Variants in EPS8 observed in about 807,000 individuals in gnomAD.
EPS8 encodes the protein epidermal growth factor receptor kinase substrate 8.
In EPS8, 42 loss-of-function variants were observed where a neutral mutation model predicts 103.8. The observed-to-expected ratio is 0.40, with a 90% CI of 0.32 to 0.52. The LOEUF is 0.52. Ranked by LOEUF, EPS8 falls within the 20% of genes least tolerant of loss-of-function variation. The pLI is 0.40. For synonymous variants in EPS8, 344 were observed against 344.6 expected (o/e 1.00, Z 0.02); for missense variants, 969 against 1,005.1 (o/e 0.96, Z 0.49).
In EPS8 at chr12:15,681,248, T is replaced by C; in HGVS notation, c.114A>G (p.Lys38=). 1.3e-6 allele frequency: 2 copies of C among 1,571,872 alleles called. No individual in the cohort carries two copies. The highest frequency in any genetic ancestry group is 1.7e-6 in the Non-Finnish European group (2 of 1,154,768). Reference sequence around the variant, plus strand: ...TACCATAAAGGGCCTTTGCACTTGTTTTTGAACCATGTTCTCTGTCCGTCT... The same window carrying C: ...TACCATAAAGGGCCTTTGCACTTGTCTTTGAACCATGTTCTCTGTCCGTCT... ...FSQTDREHGS[K]TSAKALYEQR... The change falls in exon 3 of 21, where the codon AAA becomes AAG. Residue 38 remains lysine, a synonymous_variant. Transcript: ENST00000281172.
intron 3 of EPS8, among the ~76,000 whole-genome samples, chr12:15,680,679 C>T (rs746615269): frequency 2.0e-5 from 3 of 151,996 alleles, no homozygotes; most frequent in Admixed American, 1.3e-4. Context: ...CAGGAGTCCT[C>T]GACTTCTTGT....
chr12:15,639,362 G>GA (rs1433283365), intron 17 of EPS8, among the ~76,000 whole-genome samples: 1 of 152,030 alleles, frequency 6.6e-6, no homozygotes, highest in African/African-American at 2.4e-5. Flanking sequence ...ACTAAGAAAA[G>GA]AAAAAGGTAT....
Position 15,683,951 on chromosome 12 carries a change from G to C in EPS8, c.-21-979C>G, listed in dbSNP as rs897538963. 2.6e-5 allele frequency: 4 copies of C among 152,118 alleles called. No homozygotes were observed. The East Asian group carries it at 7.7e-4, about 29-fold the overall frequency. The allele number at this position is 152,118 out of a possible 1,614,324, so 9.4% of individuals were successfully genotyped here. On this transcript the variant is annotated intron_variant, in intron 1 of 20. Coordinates refer to ENST00000281172, the MANE Select transcript of EPS8 (RefSeq NM_004447.6). ...ACATACCCCAGCTTTATGGGCCAAG[G>C]GGGTGAAAGCATGAACAAATATTGA...
At chr12:15,641,453 C>T (rs1945227988) in intron 16 of EPS8, among the ~76,000 whole-genome samples, 1 of 151,474 alleles carries the variant, frequency 6.6e-6, no homozygotes, top group Non-Finnish European at 1.5e-5. Flanking sequence ...GAATAAATAT[C>T]AGAAGAAGAA....
chr12:15,705,295 C>T (rs1435439486), intron 1 of EPS8, among the ~76,000 whole-genome samples: 1 of 152,180 alleles, frequency 6.6e-6, no homozygotes, highest in Non-Finnish European at 1.5e-5. Context: ...GAATACATGA[C>T]ATTACTTTTA....
chr12:15,723,154 A>C (rs1216113637), intron 1 of EPS8, among the ~76,000 whole-genome samples: 1 of 152,182 alleles, frequency 6.6e-6, no homozygotes, highest in Non-Finnish European at 1.5e-5. Context: ...TACAAAAAAT[A>C]CAAAAACTTA....
rs1416434772 is a variant in EPS8, at chr12:15,738,793, C to G, written c.-22+50368G>C. Among the ~76,000 whole-genome samples the G allele has an allele frequency of 6.6e-6, 1 of 152,006 alleles. No homozygotes were observed. The highest frequency in any genetic ancestry group is 1.5e-5 in the Non-Finnish European group (1 of 68,000). On this transcript the variant is annotated intron_variant, in intron 1 of 20. Coordinates refer to ENST00000281172, the MANE Select transcript of EPS8 (RefSeq NM_004447.6). The surrounding 1 kb of genome is among the most constrained non-coding windows in gnomAD (Gnocchi z 6.2). ...TACAAAGTCCTGGCAATAGCAGGTG[C>G]TTAATAAATGTTTGTTGAATCCACT... is the stretch of plus-strand genomic sequence containing the variant.
At chr12:15,708,064 T>C (rs1946412462) in intron 1 of EPS8, among the ~76,000 whole-genome samples, 2 of 152,166 alleles carry the variant, frequency 1.3e-5, no homozygotes, top group Admixed American at 1.3e-4. Flanking sequence ...ATCATAGGGA[T>C]CGAAACAGCC....
intron 3 of EPS8, among the ~76,000 whole-genome samples, chr12:15,674,282 A>G (rs1441423239): frequency 6.6e-6 from 1 of 152,184 alleles, no homozygotes; most frequent in East Asian, 1.9e-4. Flanking sequence ...CTTAGAGAGT[A>G]AGGATTTGGC....
chr12:15,681,081 T>A lies in EPS8; in HGVS notation c.136+145A>T, dbSNP rs551281186. 8.1e-6 allele frequency: 3 copies of A among 371,796 alleles called. No individual in the cohort carries two copies. The South Asian group carries it at 2.1e-4, about 26-fold the overall frequency. The allele number at this position is 371,796 out of a possible 1,614,324, so 23.0% of individuals were successfully genotyped here. ...TGGCTTTGGTAGTTTTTATAAAAAC[T>A]CTTCTTTAAAATAATCCTTATTTAG... is the stretch of plus-strand genomic sequence containing the variant. On this transcript the variant is annotated intron_variant, in intron 3 of 20. Transcript: ENST00000281172.
chr12:15,710,605 C>T (rs753806107), intron 1 of EPS8, among the ~76,000 whole-genome samples: 1 of 152,078 alleles, frequency 6.6e-6, no homozygotes, highest in East Asian at 1.9e-4. Context: ...TTTGTACACA[C>T]GATTCTGTAT....
At position 15,696,220 on chromosome 12, in the gene EPS8, CTAT is replaced by C. The variant is rs1437744823; in HGVS notation, c.-21-13251_-21-13249del. On this transcript the variant is annotated intron_variant, in intron 1 of 20. Transcript: ENST00000281172. The surrounding 1 kb of genome is among the most constrained non-coding windows in gnomAD (Gnocchi z 4.8). ...GTAAAAATAATTCTGAATGAGAATG[CTAT>C]TATTTATTATATTTCAGGTAGCAGT... Among the ~76,000 whole-genome samples, 1 of 152,090 alleles carries C rather than the reference CTAT, an allele frequency of 6.6e-6. No individual in the cohort carries two copies. The highest frequency in any genetic ancestry group is 1.5e-5 in the Non-Finnish European group (1 of 68,014).
rs564814308 is a variant in EPS8, at chr12:15,621,161, A to G, written c.*156T>C. On this transcript the variant is annotated 3_prime_UTR_variant, in exon 21 of 21. Coordinates refer to ENST00000281172, the MANE Select transcript of EPS8 (RefSeq NM_004447.6). ...TTTTAATAAAAATAATGGGCCTAGA[A>G]GCAAATCCTGTGCTCACTCAGGTTT... 1 of 475,878 alleles carries G rather than the reference A, an allele frequency of 2.1e-6. No individual in the cohort carries two copies. Among genetic ancestry groups the G allele is most frequent in the East Asian group, 3.6e-5 (1 of 28,138 alleles). 29.5% of individuals were successfully genotyped at this position (475,878 alleles called of 1,614,324 possible). A position where few individuals can be genotyped will look rare whatever the true frequency, so the allele number is the denominator to read the frequency against.
intron 1 of EPS8, among the ~76,000 whole-genome samples, chr12:15,692,263 T>C (rs947176365): frequency 2.6e-5 from 4 of 152,006 alleles, no homozygotes; most frequent in Non-Finnish European, 4.4e-5. Flanking sequence ...TTATTTTACC[T>C]TTACACATGA....
chr12:15,673,935 CT>C (rs1202080981), intron 3 of EPS8, among the ~76,000 whole-genome samples: 2 of 152,132 alleles, frequency 1.3e-5, no homozygotes. Flanking sequence ...TGTCTATTAG[CT>C]TTTATGTCAT....
In EPS8 at chr12:15,631,529, T is replaced by A. The variant is rs1342111265; in HGVS notation, c.1957A>T (p.Asn653Tyr). The A allele has an allele frequency of 6.2e-7, 1 of 1,614,036 alleles. No homozygotes were observed. The highest frequency in any genetic ancestry group is 1.7e-5 in the Admixed American group (1 of 60,008). Residue 653 changes from asparagine to tyrosine, a missense_variant, in exon 18 of 21, where the codon AAT becomes TAT. Asn to Tyr is a moderately radical substitution (Grantham distance 143). Transcript: ENST00000281172. ...GAGCTGCTGTTTTGACGTGTTATATTTGCTGGGACCTTTGACACAGGAACA... is the reference window on the plus strand; with the variant it reads ...GAGCTGCTGTTTTGACGTGTTATATATGCTGGGACCTTTGACACAGGAACA... Reference protein sequence around the residue: ...APVPVSKVPANITRQNSSSSD... With the variant: ...APVPVSKVPAYITRQNSSSSD...
chr12:15,719,500 A>G (rs1946571261), intron 1 of EPS8, among the ~76,000 whole-genome samples: 1 of 152,236 alleles, frequency 6.6e-6, no homozygotes. Flanking sequence ...GTGACACACA[A>G]CAGAAATGCA....
rs745857962 is a variant in EPS8 at position 15,751,811 on chromosome 12, G to T, written c.-22+37350C>A. 1.3e-5 allele frequency among the ~76,000 whole-genome samples: 2 copies of T among 151,970 alleles called. No homozygotes were observed. Among genetic ancestry groups the T allele is most frequent in the Non-Finnish European group, 2.9e-5 (2 of 68,026 alleles). On this transcript the variant is annotated intron_variant, in intron 1 of 20. Coordinates refer to ENST00000281172, the MANE Select transcript of EPS8 (RefSeq NM_004447.6). This position sits in a 1 kb window ranked among gnomAD's most constrained non-coding sequence, Gnocchi z 4.3. ...ACTTACACCATAGCTCAGACAACAT[G>T]TTAGACGTTAACTAGACTTCTGATG...
rs373014317 is a variant in EPS8 at position 15,728,537 on chromosome 12, T to C, written c.-21-45565A>G. ...GAACACTCTCCCGGGTGCTGAGTCATTAATAGAATTTGAAGAGTCAGGCAT... is the reference window on the plus strand; with the variant it reads ...GAACACTCTCCCGGGTGCTGAGTCACTAATAGAATTTGAAGAGTCAGGCAT... On this transcript the variant is annotated intron_variant, in intron 1 of 20. Transcript: ENST00000281172. This position sits in a 1 kb window ranked among gnomAD's most constrained non-coding sequence, Gnocchi z 4.5. Among the ~76,000 whole-genome samples the C allele has an allele frequency of 3.8e-4, 58 of 152,332 alleles. No homozygotes were observed. The South Asian group carries it at 0.012, about 31-fold the overall frequency.
Sources: allele counts gnomAD v4.1 joint callset (sites outside exome capture counted in the v4.1 genomes callset), GRCh38; gene constraint gnomAD v4.1.1; non-coding constraint Gnocchi (gnomAD v3.1); transcripts MANE v1.5; gene names NCBI Gene and HGNC (gene_info 2026-07-23, HGNC 2026-07-21).